Variants in CUEDC1 observed in about 807,000 individuals in gnomAD.
CUEDC1 encodes CUE domain-containing protein 1.
Under a neutral mutation model 43.7 loss-of-function variants are expected in CUEDC1, and 30 were observed. That is an observed-to-expected ratio of 0.69 (90% CI 0.51 to 0.93). The LOEUF is 0.93. Among genes scored for constraint, CUEDC1 ranks in the 40% least tolerant of loss-of-function variants. The probability of loss-of-function intolerance (pLI) is 0.00; values close to 1 mark genes in which losing one functional copy is unlikely to be tolerated. For missense variants in CUEDC1, 486 were observed against 549.0 expected, an observed-to-expected ratio of 0.89 and a Z score of 1.15; for synonymous variants, 223 against 223.6, an observed-to-expected ratio of 1.00 and a Z score of 0.02.
rs999954327 is a variant in CUEDC1 at position 57,939,875 on chromosome 17, C to T, written c.-316+15350G>A. On this transcript the variant is annotated intron_variant, in intron 1 of 10. Transcript: ENST00000577830. ...TGGTGCACATCCACAGCAGCAGCGG[C>T]GTCCTGCAGGTGCACCATGCAGACT... Among the ~76,000 whole-genome samples, 5 of 152,302 alleles carry T rather than the reference C, an allele frequency of 3.3e-5. No individual in the cohort carries two copies. In the East Asian group the frequency reaches 9.6e-4, roughly 29 times the overall value.
chr17:57,932,113 A>AAC (rs61166512), intron 1 of CUEDC1, among the ~76,000 whole-genome samples: 2,166 of 150,232 alleles, frequency 0.014, 63 homozygotes, highest in African/African-American at 0.05. Context: ...CTCCACTAAA[A>AAC]ACACACACAC....
intron 1 of CUEDC1, among the ~76,000 whole-genome samples, chr17:57,907,720 CT>C (rs1415397823): frequency 2.0e-5 from 3 of 151,432 alleles, no homozygotes; most frequent in Non-Finnish European, 4.4e-5. Flanking sequence ...GAGACAAGCG[CT>C]TGTAATCCCA....
intron 1 of CUEDC1, among the ~76,000 whole-genome samples, chr17:57,946,038 T>C (rs925616090): frequency 2.6e-5 from 4 of 151,912 alleles, no homozygotes; most frequent in African/African-American, 9.7e-5. Flanking sequence ...TTTGGTAATA[T>C]TATTACTCCC....
In CUEDC1 at chr17:57,930,788, C is replaced by T. The variant is rs918560519; in HGVS notation, c.-316+24437G>A. 5.9e-5 allele frequency among the ~76,000 whole-genome samples: 9 copies of T among 152,254 alleles called. No individual in the cohort carries two copies. The highest frequency in any genetic ancestry group is 3.3e-4 in the Admixed American group (5 of 15,288). ...GCCAACACAGGAGGGCAGAAATGAC[C>T]CCTCTGTGACCGCTCCTGTAGCCAG... On this transcript the variant is annotated intron_variant, in intron 1 of 10. Coordinates refer to ENST00000577830, the MANE Select transcript of CUEDC1 (RefSeq NM_001271875.2). This position sits in a 1 kb window ranked among gnomAD's most constrained non-coding sequence, Gnocchi z 4.2.
chr17:57,884,355 G>A (rs1218786089), intron 2 of CUEDC1, among the ~76,000 whole-genome samples: 2 of 151,670 alleles, frequency 1.3e-5, no homozygotes, highest in Admixed American at 6.6e-5. Context: ...GCACCACCAC[G>A]CCTGGCTAAT....
intron 1 of CUEDC1, among the ~76,000 whole-genome samples, chr17:57,895,253 C>G (rs544307483): frequency 6.6e-6 from 1 of 152,308 alleles, no homozygotes; most frequent in Admixed American, 6.5e-5. Flanking sequence ...AATTTGAACC[C>G]AGAAGGTCCG....
At chr17:57,935,732 G>A (rs1267730059) in intron 1 of CUEDC1, among the ~76,000 whole-genome samples, 3 of 152,108 alleles carry the variant, frequency 2.0e-5, no homozygotes, top group East Asian at 1.9e-4. Context: ...CCACCTTGGC[G>A]GGCCAGGCCC....
intron 1 of CUEDC1, among the ~76,000 whole-genome samples, chr17:57,936,117 T>C (rs1846227519): frequency 6.6e-6 from 1 of 152,206 alleles, no homozygotes; most frequent in Non-Finnish European, 1.5e-5. Flanking sequence ...AGGGAGGGTC[T>C]CTCCTCTCAG....
At chr17:57,911,132 A>C (rs73314267) in intron 1 of CUEDC1, among the ~76,000 whole-genome samples, 1,925 of 152,288 alleles carry the variant, frequency 0.013, 38 homozygotes, top group African/African-American at 0.043. Flanking sequence ...GGGCTGGTTA[A>C]ACACACATTG....
At chr17:57,904,746 T>TG (rs1210477491) in intron 1 of CUEDC1, among the ~76,000 whole-genome samples, 2 of 152,042 alleles carry the variant, frequency 1.3e-5, no homozygotes, top group East Asian at 3.9e-4. Flanking sequence ...GGGCTAGGCG[T>TG]GGGGGGATCG....
intron 1 of CUEDC1, among the ~76,000 whole-genome samples, chr17:57,944,864 C>G (rs994366075): frequency 6.6e-6 from 1 of 152,198 alleles, no homozygotes; most frequent in East Asian, 1.9e-4. Flanking sequence ...TCAAGATTCA[C>G]CAAACAAAAT....
chr17:57,906,668 T>C (rs73314260), intron 1 of CUEDC1, among the ~76,000 whole-genome samples: 2,149 of 152,226 alleles, frequency 0.014, 48 homozygotes, highest in African/African-American at 0.049. Context: ...GGCACCAGAT[T>C]GTAGAAGACA....
At chr17:57,891,741 G>C (rs1304593438) in intron 1 of CUEDC1, among the ~76,000 whole-genome samples, 1 of 152,104 alleles carries the variant, frequency 6.6e-6, no homozygotes, top group Non-Finnish European at 1.5e-5. Flanking sequence ...CAACTGCTAC[G>C]TTCTGCTCCC....
chr17:57,867,657 T>C, intron 8 of CUEDC1: 1 of 576,252 alleles, frequency 1.7e-6, no homozygotes, highest in Non-Finnish European at 3.1e-6. Context: ...TCCTCCCTGT[T>C]TCCCTCTGGC....
chr17:57,885,362 C>A lies in CUEDC1; in HGVS notation c.203G>T (p.Cys68Phe). The A allele has an allele frequency of 6.2e-7, 1 of 1,612,352 alleles. No homozygotes were observed. ...FPNMDYDIIE[C>F]VLRANSGAVD... ...AGCGCCGCTGTTGGCGCGCAGCACG[C>A]ATTCGATGATGTCGTAATCCATGTT... The change falls in exon 2 of 11, where the codon TGC becomes TTC. Residue 68 changes from cysteine to phenylalanine, a missense_variant. Transcript: ENST00000577830.
chr17:57,885,391 G>C lies in CUEDC1; in HGVS notation c.174C>G (p.Phe58Leu). ...CGATGATGTCGTAATCCATGTTGGG[G>C]AACATGGTCTTGAAGTCGTCCATGG... ...NQAMDDFKTM[F>L]PNMDYDIIEC... The change falls in exon 2 of 11, where the codon TTC becomes TTG. Residue 58 changes from phenylalanine to leucine, a missense_variant. Coordinates refer to ENST00000577830, the MANE Select transcript of CUEDC1 (RefSeq NM_001271875.2). 1 of 1,611,412 alleles carries C rather than the reference G, an allele frequency of 6.2e-7. No individual in the cohort carries two copies. The highest frequency in any genetic ancestry group is 1.1e-5 in the South Asian group (1 of 90,600).
intron 1 of CUEDC1, among the ~76,000 whole-genome samples, chr17:57,949,686 C>T (rs2074988740): frequency 6.6e-6 from 1 of 151,272 alleles, no homozygotes; most frequent in Non-Finnish European, 1.5e-5. Flanking sequence ...GATCCTCCCA[C>T]CTACGCCTCC....
At chr17:57,865,823 C>CT (rs35170290) in intron 10 of CUEDC1, among the ~76,000 whole-genome samples, 40,485 of 134,624 alleles carry the variant, frequency 0.3, 6,260 homozygotes, top group Non-Finnish European at 0.33. Flanking sequence ...TTTTCTTTTT[C>CT]TTTTTTTTTT....
At chr17:57,923,982 C>CT (rs928741124) in intron 1 of CUEDC1, among the ~76,000 whole-genome samples, 47 of 149,972 alleles carry the variant, frequency 3.1e-4, no homozygotes, top group African/African-American at 8.5e-4. Context: ...CCTACTTCTA[C>CT]TTTTTTTTTT....
Sources: gnomAD v4.1 joint callset for allele counts (sites outside exome capture counted in the v4.1 genomes callset) on GRCh38, gnomAD v4.1.1 for gene constraint, Gnocchi (gnomAD v3.1) non-coding constraint, MANE v1.5 for transcripts, NCBI Gene and HGNC (gene_info 2026-07-23, HGNC 2026-07-21) for gene names.